The following CELSR1 variants were observed in gnomAD, a reference collection of about 807,000 sequenced individuals.
CELSR1 encodes adhesion G protein-coupled receptor C1.
CELSR1 carries 110 observed loss-of-function variants against 249.1 expected under a neutral mutation model. That is an observed-to-expected ratio of 0.44 (90% CI 0.38 to 0.52). The LOEUF (loss-of-function observed/expected upper bound fraction) is 0.52, where lower values mean the gene tolerates loss of function less well. Among genes scored for constraint, CELSR1 ranks in the 20% least tolerant of loss-of-function variants. The pLI, the probability that CELSR1 is intolerant of heterozygous loss-of-function variation, is 0.00. For synonymous variants in CELSR1, 2,113 were observed against 1,900.0 expected (o/e 1.11, Z -2.92); for missense variants, 4,109 against 4,296.4 (o/e 0.96, Z 1.22).
Position 46,439,328 on chromosome 22 carries a change from T to C in CELSR1, c.4267A>G (p.Ile1423Val), listed in dbSNP as rs761062690. The C allele has an allele frequency of 9.3e-6, 15 of 1,613,894 alleles. No homozygotes were observed. The South Asian group carries it at 1.5e-4, about 17-fold the overall frequency. The change falls in exon 3 of 35, where the codon ATC becomes GTC. Residue 1423 changes from isoleucine to valine, a missense_variant. This residue lies in a region of CELSR1 where 453 missense variants were observed against 492.0 expected (regional missense o/e 0.92). Transcript: ENST00000674500. ...KNGGTCVNLL[I>V]GGFHCVCPPG... ...GGACACACGCAGTGGAAGCCGCCGA[T>C]GAGCAGGTTCACGCAGGTGCCCCCG...
intron 9 of CELSR1, among the ~76,000 whole-genome samples, chr22:46,405,017 G>A (rs375880924): frequency 1.3e-5 from 2 of 151,264 alleles, no homozygotes; most frequent in African/African-American, 4.8e-5. Context: ...CAGAGATGGG[G>A]TTTCCCCATG....
chr22:46,380,720 C>A lies in CELSR1; in HGVS notation c.7256+68G>T. On this transcript the variant is annotated intron_variant, in intron 22 of 34. Coordinates refer to ENST00000674500, the MANE Select transcript of CELSR1 (RefSeq NM_001378328.1). The surrounding 1 kb of genome is among the most constrained non-coding windows in gnomAD (Gnocchi z 5.1). The stretch of plus-strand genomic sequence containing the variant: ...CCTCTTGGGGCGCTCTGCCACTGAG[C>A]CCCCGACCCTGCGGGGGCACTCTGC... 1 of 1,562,430 alleles carries A rather than the reference C, an allele frequency of 6.4e-7. No individual in the cohort carries two copies. Among genetic ancestry groups the A allele is most frequent in the South Asian group, 1.1e-5 (1 of 87,234 alleles).
Position 46,378,589 on chromosome 22 carries a change from A to G in CELSR1, c.7383+2T>C. 6.4e-7 allele frequency: 1 copy of G among 1,562,690 alleles called. No individual in the cohort carries two copies. The highest frequency in any genetic ancestry group is 8.7e-7 in the Non-Finnish European group (1 of 1,153,422). ...GCACAGTGGCCACGGGAGGATGCCC[A>G]CCTCACGCCTGGAGATATCCATGAG... On this transcript the variant is annotated splice_donor_variant, in intron 23 of 34. Coordinates refer to ENST00000674500, the MANE Select transcript of CELSR1 (RefSeq NM_001378328.1). LOFTEE classifies it high-confidence loss of function.
intron 20 of CELSR1, among the ~76,000 whole-genome samples, chr22:46,382,821 C>T (rs536639651): frequency 6.6e-6 from 1 of 152,276 alleles, no homozygotes; most frequent in African/African-American, 2.4e-5. Flanking sequence ...TCGTGTGACT[C>T]CTCTTACAGG....
At chr22:46,422,061 T>G (rs796264209) in intron 5 of CELSR1, among the ~76,000 whole-genome samples, 7 of 152,358 alleles carry the variant, frequency 4.6e-5, no homozygotes, top group African/African-American at 1.7e-4. Context: ...AAGTTTAGCT[T>G]CTTTATCTTA....
In CELSR1 at chr22:46,534,781, C is replaced by G; in HGVS notation, c.2390G>C (p.Ser797Thr). The G allele has an allele frequency of 6.2e-7, 1 of 1,613,206 alleles. No individual in the cohort carries two copies. Among genetic ancestry groups the G allele is most frequent in the Non-Finnish European group, 8.5e-7 (1 of 1,180,026 alleles). Residue 797 changes from serine to threonine, a missense_variant, in exon 1 of 35, where the codon AGT becomes ACT. By Grantham distance (58) the Ser-to-Thr change is moderately conservative. Transcript: ENST00000674500. The surrounding 1 kb of genome is among the most constrained non-coding windows in gnomAD (Gnocchi z 9.7). ...GCCCACAGGCCTGTCCTCACTGACA[C>G]TCACTGTGTAATGGGAGCTCTGAAA... ...PVFQSSHYTV[S>T]VSEDRPVGTS...
chr22:46,384,491 C>T lies in CELSR1; in HGVS notation c.6883+52G>A. On this transcript the variant is annotated intron_variant, in intron 20 of 34. Coordinates refer to ENST00000674500, the MANE Select transcript of CELSR1 (RefSeq NM_001378328.1). ...GATGCCCGCAGCGGGGCCCTCCCCT[C>T]CCTGAACGCTGGGGACTCCGAGGGC... The T allele has an allele frequency of 2.6e-6, 4 of 1,534,794 alleles. No homozygotes were observed. In the South Asian group the frequency reaches 4.9e-5, roughly 19 times the overall value.
rs191653761 is a variant in CELSR1, at chr22:46,431,476, G to C, written c.4611+1917C>G. 7.2e-5 allele frequency among the ~76,000 whole-genome samples: 11 copies of C among 152,272 alleles called. 1 individual carries two copies. Among genetic ancestry groups the C allele is most frequent in the African/African-American group, 2.2e-4 (9 of 41,546 alleles). ...CGTTCATCTCTGGACTTGGTCTTCT[G>C]ATACGTGCAGGAAGGAAAATGCGCC... On this transcript the variant is annotated intron_variant, in intron 5 of 34. Coordinates refer to ENST00000674500, the MANE Select transcript of CELSR1 (RefSeq NM_001378328.1).
chr22:46,481,392 G>T, intron 1 of CELSR1: 1 of 1,104,802 alleles, frequency 9.1e-7, no homozygotes, highest in Non-Finnish European at 1.4e-6. Context: ...GGTGCATGTG[G>T]TCATCCACAC....
intron 5 of CELSR1, among the ~76,000 whole-genome samples, chr22:46,420,250 T>A (rs976433908): frequency 1.3e-5 from 2 of 149,926 alleles, no homozygotes; most frequent in African/African-American, 5.0e-5. Context: ...TCACCCACAC[T>A]CAAATGCACT....
At chr22:46,403,629 T>C (rs780666557) in intron 9 of CELSR1, among the ~76,000 whole-genome samples, 2 of 151,910 alleles carry the variant, frequency 1.3e-5, no homozygotes, top group Non-Finnish European at 2.9e-5. Context: ...ACTTGATGTA[T>C]ATAGAACAGT....
Position 46,369,220 on chromosome 22 carries a change from G to C in CELSR1, c.7911C>G (p.Ser2637=). 2.5e-6 allele frequency: 4 copies of C among 1,614,148 alleles called. No homozygotes were observed. Among genetic ancestry groups the C allele is most frequent in the Non-Finnish European group, 3.4e-6 (4 of 1,180,006 alleles). The change falls in exon 27 of 35, where the codon TCC becomes TCG. Residue 2637 remains serine (S), a synonymous_variant. Coordinates refer to ENST00000674500, the MANE Select transcript of CELSR1 (RefSeq NM_001378328.1). ...CATAATAATGGTGCTTTCTTTGGCAGGAAACCTTTGCAGATAGGACAGAAG... is the reference window on the plus strand; with the variant it reads ...CATAATAATGGTGCTTTCTTTGGCACGAAACCTTTGCAGATAGGACAGAAG... The part of the protein sequence containing the change: ...TVTSVLSAKV[S]CQRKHHYYGK...
intron 29 of CELSR1, among the ~76,000 whole-genome samples, chr22:46,366,687 C>A (rs1164451763): frequency 6.6e-6 from 1 of 152,178 alleles, no homozygotes; most frequent in Non-Finnish European, 1.5e-5. Context: ...TCCTGGCCCG[C>A]GCTGTGGTCA....
At chr22:46,431,714 G>A (rs1012393577) in intron 5 of CELSR1, among the ~76,000 whole-genome samples, 14 of 152,206 alleles carry the variant, frequency 9.2e-5, no homozygotes, top group African/African-American at 2.2e-4. Context: ...AGGTGAACGC[G>A]CTTCACACTG....
Position 46,367,618 on chromosome 22 carries a change from G to A in CELSR1, c.8079+111C>T, listed in dbSNP as rs1255630301. 3.5e-6 allele frequency: 5 copies of A among 1,445,324 alleles called. No individual in the cohort carries two copies. In the African/African-American group the frequency reaches 7.1e-5, roughly 21 times the overall value. The allele number at this position is 1,445,324 out of a possible 1,614,324, so 89.5% of individuals were successfully genotyped here. A position where few individuals can be genotyped will look rare whatever the true frequency, so the allele number is the denominator to read the frequency against. On this transcript the variant is annotated intron_variant, in intron 28 of 34. Transcript: ENST00000674500. ...ACAGCCACAGGAGGCCCCCACGCGG[G>A]ACCCAGGCAGGGCTGGTTTGGGACC...
Position 46,363,105 on chromosome 22 carries a change from T to C in CELSR1, c.*118A>G. The C allele has an allele frequency of 6.2e-7, 1 of 1,609,218 alleles. No individual in the cohort carries two copies. Among genetic ancestry groups the C allele is most frequent in the Non-Finnish European group, 8.5e-7 (1 of 1,176,482 alleles). ...CGCCACACTCTGGGCCCACTCCACTTCAAGGGCAGTGGCCCCTTGGGCTCC... is the reference window on the plus strand; with the variant it reads ...CGCCACACTCTGGGCCCACTCCACTCCAAGGGCAGTGGCCCCTTGGGCTCC... On this transcript the variant is annotated 3_prime_UTR_variant, in exon 35 of 35. Coordinates refer to ENST00000674500, the MANE Select transcript of CELSR1 (RefSeq NM_001378328.1). This position sits in a 1 kb window ranked among gnomAD's most constrained non-coding sequence, Gnocchi z 4.3.
chr22:46,467,604 C>T (rs2080110714), intron 1 of CELSR1, among the ~76,000 whole-genome samples: 1 of 151,976 alleles, frequency 6.6e-6, no homozygotes, highest in South Asian at 2.1e-4. Context: ...GGGCAGATCA[C>T]AAGTTCAGGA....
intron 1 of CELSR1, among the ~76,000 whole-genome samples, chr22:46,513,621 A>G (rs139764377): frequency 0.016 from 2,428 of 152,198 alleles, 61 homozygotes; most frequent in African/African-American, 0.055. Context: ...TGCACCAGGG[A>G]TAGGAGTCCC....
At chr22:46,369,100 C>T (rs2078820763) in intron 27 of CELSR1, 79 bp downstream of exon 27, 10 of 1,441,656 alleles carry the variant, frequency 6.9e-6, no homozygotes, top group Non-Finnish European at 9.7e-6. Flanking sequence ...TCTCATGGGG[C>T]CCCACCCCGC....
Sources: gnomAD v4.1 joint callset for allele counts (sites outside exome capture counted in the v4.1 genomes callset) on GRCh38, gnomAD v4.1.1 for gene constraint, gnomAD v4.1.1 regional missense constraint, Gnocchi (gnomAD v3.1) non-coding constraint, MANE v1.5 for transcripts, NCBI Gene and HGNC (gene_info 2026-07-23, HGNC 2026-07-21) for gene names.